Variants in KANK1 observed in about 807,000 individuals in gnomAD.
The protein encoded by KANK1 is KN motif and ankyrin repeat domains 1, also known as KN motif and ankyrin repeat domain-containing protein 1.
Under a neutral mutation model 106.2 loss-of-function variants are expected in KANK1, and 109 were observed. The observed-to-expected ratio is 1.03, with a 90% confidence interval of 0.88 to 1.20. KANK1 has a LOEUF of 1.20. KANK1 is among the 50% of genes most tolerant of loss of function. KANK1 has a pLI of 0.00. For synonymous variants in KANK1, 873 were observed against 652.2 expected (o/e 1.34, Z -5.16); for missense variants, 2,399 against 1,710.7 (o/e 1.40, Z -7.10).
intron 1 of KANK1, among the ~76,000 whole-genome samples, chr9:629,284 G>C (rs1835103795): frequency 6.6e-6 from 1 of 152,070 alleles, no homozygotes; most frequent in Non-Finnish European, 1.5e-5. Context: ...CCCTCCCTCA[G>C]GCTGAGGCTT....
intron 1 of KANK1, among the ~76,000 whole-genome samples, chr9:672,646 C>A (rs749913435): frequency 6.6e-6 from 1 of 152,116 alleles, no homozygotes; most frequent in African/African-American, 2.4e-5. Context: ...TTTTATCTAA[C>A]TACTTGTTTG....
intron 3 of KANK1, among the ~76,000 whole-genome samples, chr9:713,670 T>G (rs1358362702): frequency 6.6e-6 from 1 of 152,228 alleles, no homozygotes; most frequent in Non-Finnish European, 1.5e-5. Flanking sequence ...CTCACTGGCC[T>G]CTGGCTGAGG....
intron 1 of KANK1, among the ~76,000 whole-genome samples, chr9:618,685 G>C (rs1223626467): frequency 6.6e-6 from 1 of 152,066 alleles, no homozygotes; most frequent in African/African-American, 2.4e-5. Context: ...TTTAAATGAT[G>C]ATGAATGCCA....
At chr9:594,506 A>C (rs1214586487) in intron 1 of KANK1, among the ~76,000 whole-genome samples, 1 of 152,050 alleles carries the variant, frequency 6.6e-6, no homozygotes, top group Admixed American at 6.5e-5. Flanking sequence ...CCACCTTAAC[A>C]TAGAGTTCTC....
At chr9:650,407 G>T (rs575235573) in intron 1 of KANK1, among the ~76,000 whole-genome samples, 7 of 152,188 alleles carry the variant, frequency 4.6e-5, no homozygotes, top group African/African-American at 1.7e-4. Context: ...AAAGATCTCT[G>T]TTAAAACAGT....
chr9:518,492 G>C (rs1056077053), intron 1 of KANK1, among the ~76,000 whole-genome samples: 8 of 151,718 alleles, frequency 5.3e-5, no homozygotes, highest in African/African-American at 1.7e-4. Context: ...CGATGTAGGG[G>C]AGGGGTTCGG....
chr9:731,387 C>A lies in KANK1; in HGVS notation c.3005+121C>A, dbSNP rs539874289. The A allele has an allele frequency of 1.2e-4, 67 of 574,968 alleles. 1 individual carries two copies. The African/African-American group carries it at 1.2e-3, about 11-fold the overall frequency. 35.6% of individuals were successfully genotyped at this position (574,968 alleles called of 1,614,324 possible). A position where few individuals can be genotyped will look rare whatever the true frequency, so the allele number is the denominator to read the frequency against. On this transcript the variant is annotated intron_variant, in intron 5 of 11. Transcript: ENST00000382297. ...ACAGCGCAGTGATGAAAGATTCCCT[C>A]CTCAGAAAGGCAGAAAGGTGCATTT... is the stretch of plus-strand genomic sequence containing the variant.
At position 731,243 on chromosome 9, in the gene KANK1, T is replaced by C. The variant is rs1294466131; in HGVS notation, c.2982T>C (p.Leu994=). The C allele has an allele frequency of 6.2e-7, 1 of 1,607,150 alleles. No homozygotes were observed. Among genetic ancestry groups the C allele is most frequent in the Admixed American group, 1.7e-5 (1 of 59,934 alleles). ...NKDSNGAKKN[L]QFVGINGGYE... Reference sequence around the variant, plus strand: ...ATTCAAATGGCGCAAAAAAGAATCTTCAGTTTGTTGGCATTAATGGAGGGT... The same window carrying C: ...ATTCAAATGGCGCAAAAAAGAATCTCCAGTTTGTTGGCATTAATGGAGGGT... Residue 994 remains leucine (L), a synonymous_variant, in exon 5 of 12, where the codon CTT becomes CTC. Coordinates refer to ENST00000382297, the MANE Select transcript of KANK1 (RefSeq NM_015158.5).
At chr9:494,585 C>T (rs2058430893) in intron 3 of KANK1, among the ~76,000 whole-genome samples, 1 of 152,180 alleles carries the variant, frequency 6.6e-6, no homozygotes, top group South Asian at 2.1e-4. Context: ...TTCTCTCTCT[C>T]CCCACTTGCT....
intron 1 of KANK1, among the ~76,000 whole-genome samples, chr9:579,244 C>A (rs910973923): frequency 6.6e-6 from 1 of 151,826 alleles, no homozygotes; most frequent in African/African-American, 2.4e-5. Flanking sequence ...AGTGTGGGCT[C>A]CCGTAGCACA....
chr9:728,343 A>T (rs537329718), intron 3 of KANK1, among the ~76,000 whole-genome samples: 11 of 152,020 alleles, frequency 7.2e-5, no homozygotes, highest in South Asian at 2.1e-4. Flanking sequence ...GACTACAGGC[A>T]CCCCCCACCA....
chr9:535,155 G>A (rs1195866742), intron 1 of KANK1, among the ~76,000 whole-genome samples: 8 of 152,276 alleles, frequency 5.3e-5, no homozygotes, highest in South Asian at 2.1e-4. Flanking sequence ...AAGAAACAAC[G>A]CAGCCTCCTT....
chr9:711,769 C>T lies in KANK1; in HGVS notation c.1003C>T (p.Leu335Phe), dbSNP rs916413915. 37 of 1,614,198 alleles carry T rather than the reference C, an allele frequency of 2.3e-5. No individual in the cohort carries two copies. The highest frequency in any genetic ancestry group is 3.0e-5 in the Non-Finnish European group (35 of 1,180,030). ...SAGNASQLEQ[L>F]SRARRSGGEL... ...GGGGAACGCCTCCCAGCTGGAACAG[C>T]TCTCCCGGGCCCGAAGAAGTGGCGG... Residue 335 changes from leucine (L) to phenylalanine (F), a missense_variant, in exon 3 of 12, where the codon CTC becomes TTC. Coordinates refer to ENST00000382297, the MANE Select transcript of KANK1 (RefSeq NM_015158.5).
At chr9:577,364 A>G (rs1270550695) in intron 1 of KANK1, among the ~76,000 whole-genome samples, 2 of 152,052 alleles carry the variant, frequency 1.3e-5, no homozygotes, top group African/African-American at 4.8e-5. Flanking sequence ...ACAAACCTTT[A>G]GCTAGACACA....
At chr9:719,941 A>G (rs1338395290) in intron 3 of KANK1, among the ~76,000 whole-genome samples, 1 of 152,236 alleles carries the variant, frequency 6.6e-6, no homozygotes, top group African/African-American at 2.4e-5. Context: ...CTTTATGTCA[A>G]GGACATAAAG....
At position 676,899 on chromosome 9, in the gene KANK1, C is replaced by G. The variant is rs1174734615; in HGVS notation, c.-74C>G. 1.3e-5 allele frequency: 16 copies of G among 1,230,360 alleles called. No homozygotes were observed. Among genetic ancestry groups the G allele is most frequent in the Non-Finnish European group, 1.7e-5 (14 of 841,208 alleles). The allele number at this position is 1,230,360 out of a possible 1,614,324, so 76.2% of individuals were successfully genotyped here. A position where few individuals can be genotyped will look rare whatever the true frequency, so the allele number is the denominator to read the frequency against. On this transcript the variant is annotated 5_prime_UTR_variant, in exon 2 of 12. Transcript: ENST00000382297. Reference sequence around the variant, plus strand: ...CTCTTTATTGTTTCAGGTTGAATGCCTTTGAGAACTTGATGCATAAAATTT... The same window carrying G: ...CTCTTTATTGTTTCAGGTTGAATGCGTTTGAGAACTTGATGCATAAAATTT...
intron 1 of KANK1, among the ~76,000 whole-genome samples, chr9:587,841 A>G (rs1823881650): frequency 6.6e-6 from 1 of 152,178 alleles, no homozygotes; most frequent in Non-Finnish European, 1.5e-5. Context: ...CAAGGCAGGC[A>G]GATCACTTGA....
chr9:635,170 A>G (rs537598007), intron 1 of KANK1, among the ~76,000 whole-genome samples: 6 of 152,168 alleles, frequency 3.9e-5, no homozygotes, highest in Admixed American at 2.0e-4. Context: ...CTCCCTTTGT[A>G]TGTCCCTCTT....
At chr9:743,803 CGTGATCT>C (rs1836397248) in intron 10 of KANK1, among the ~76,000 whole-genome samples, 1 of 152,144 alleles carries the variant, frequency 6.6e-6, no homozygotes, top group Non-Finnish European at 1.5e-5. Flanking sequence ...TCAAGGCTAC[CGTGATCT>C]GTGATCGTGC....
Sources: allele counts gnomAD v4.1 joint callset (sites outside exome capture counted in the v4.1 genomes callset), GRCh38; gene constraint gnomAD v4.1.1; transcripts MANE v1.5; gene names NCBI Gene and HGNC (gene_info 2026-07-23, HGNC 2026-07-21).